The following IFI35 variants were observed in gnomAD, a reference collection of about 807,000 sequenced individuals.
The protein encoded by IFI35 is interferon induced protein 35.
In IFI35, 30 loss-of-function variants were observed where a neutral mutation model predicts 28.6. The observed-to-expected ratio is 1.05, with a 90% CI of 0.79 to 1.43. IFI35 has a LOEUF of 1.43. Among genes scored for constraint, IFI35 ranks in the 40% most tolerant of loss-of-function variants. The pLI is 0.00. For synonymous variants in IFI35, 146 were observed against 154.8 expected, an observed-to-expected ratio of 0.94 and a Z score of 0.42; for missense variants, 372 against 356.9, an observed-to-expected ratio of 1.04 and a Z score of -0.34.
At position 43,014,170 on chromosome 17, in the gene IFI35, C is replaced by T; in HGVS notation, c.732C>T (p.Gly244=). The change falls in exon 7 of 7, where the codon GGC becomes GGT. Residue 244 remains glycine (G), a synonymous_variant. Transcript: ENST00000415816. ...TCAACATTCCTGATATCTTGGATGG[C>T]CCGGAGCTGCATGACGTCCTGGAGA... ...LVLNIPDILD[G]PELHDVLEIH... 1 of 1,614,070 alleles carries T rather than the reference C, an allele frequency of 6.2e-7. No individual in the cohort carries two copies. The highest frequency in any genetic ancestry group is 2.2e-5 in the East Asian group (1 of 44,870).
At chr17:43,008,396 T>G (rs1488291354) in intron 1 of IFI35, among the ~76,000 whole-genome samples, 1 of 142,194 alleles carries the variant, frequency 7.0e-6, no homozygotes, top group Non-Finnish European at 1.5e-5. Flanking sequence ...TTGCCCAGGC[T>G]GAAGTGCAAT....
chr17:43,013,877 G>A lies in IFI35; in HGVS notation c.664G>A (p.Ala222Thr), dbSNP rs761497733. Residue 222 changes from alanine to threonine, a missense_variant, in exon 6 of 7, where the codon GCT becomes ACT. Ala to Thr is a moderately conservative substitution (Grantham distance 58). Transcript: ENST00000415816. Reference protein sequence around the residue: ...SPYVNGEIQKAEIRSQPVPRS... With the variant: ...SPYVNGEIQKTEIRSQPVPRS... ...GTATGTGAACGGGGAGATCCAGAAG[G>A]CTGAGGTAAGCAGGAGGGGTGAAGA... 2.3e-5 allele frequency: 36 copies of A among 1,587,488 alleles called. No homozygotes were observed. The highest frequency in any genetic ancestry group is 2.0e-4 in the Admixed American group (11 of 55,190).
chr17:43,014,063 G>A (rs1413881571), intron 6 of IFI35, 45 bp from the exon 7 acceptor site: 1 of 1,588,186 alleles, frequency 6.3e-7, no homozygotes, highest in Non-Finnish European at 8.6e-7. Context: ...CCAGCCCCCA[G>A]CCCTTCTCCC....
chr17:43,012,349 A>G, intron 2 of IFI35, 72 bp downstream of exon 2: 1 of 1,120,836 alleles, frequency 8.9e-7, no homozygotes, highest in Non-Finnish European at 1.3e-6. Context: ...TCACACCTGT[A>G]AACCCAGCAC....
At chr17:43,012,320 C>T (rs764886438) in intron 2 of IFI35, 43 bp downstream of exon 2, 68 of 1,465,952 alleles carry the variant, frequency 4.6e-5, no homozygotes, top group Non-Finnish European at 6.0e-5. Context: ...AACGAGCTGG[C>T]GAGGCCGGGT....
chr17:43,008,404 A>C (rs1567741993), intron 1 of IFI35, among the ~76,000 whole-genome samples: 1 of 138,360 alleles, frequency 7.2e-6, no homozygotes. Flanking sequence ...GCTGAAGTGC[A>C]ATAGCATGAT....
At chr17:43,012,015 A>AG (rs1331390447) in intron 1 of IFI35, 164 bp from the exon 2 acceptor site, 1 of 451,260 alleles carries the variant, frequency 2.2e-6, no homozygotes, top group East Asian at 3.6e-5. Flanking sequence ...CCCTGGGTGG[A>AG]GGGGGCCAAG....
In IFI35 at chr17:43,014,329, C is replaced by CCCG; in HGVS notation, c.*33_*35dup. 1 of 1,484,592 alleles carries CCCG rather than the reference C, an allele frequency of 6.7e-7. No homozygotes were observed. Among genetic ancestry groups the CCCG allele is most frequent in the African/African-American group, 1.4e-5 (1 of 71,114 alleles). The allele number at this position is 1,484,592 out of a possible 1,614,324, so 92.0% of individuals were successfully genotyped here. On this transcript the variant is annotated 3_prime_UTR_variant, in exon 7 of 7. Transcript: ENST00000415816. ...CTCCCCTTCTCATCCTCCCCACCCC[C>CCCG]CCGCCAAGGTTCTCACACTGGCCTG...
At chr17:43,011,786 T>A (rs1024387445) in intron 1 of IFI35, among the ~76,000 whole-genome samples, 1 of 152,214 alleles carries the variant, frequency 6.6e-6, no homozygotes, top group Non-Finnish European at 1.5e-5. Context: ...AAATTCCGGC[T>A]GCCCTTCACA....
At chr17:43,012,947 G>C in intron 2 of IFI35, 100 bp from the exon 3 acceptor site, 1 of 1,270,550 alleles carries the variant, frequency 7.9e-7, no homozygotes, top group Non-Finnish European at 1.1e-6. Flanking sequence ...TTCAGTAAAT[G>C]TATTTATCTC....
intron 2 of IFI35, chr17:43,012,590 T>A (rs2050470913): frequency 4.3e-6 from 1 of 233,346 alleles, no homozygotes; most frequent in South Asian, 6.0e-5. Context: ...ATACAAAAAT[T>A]AGCTGGGTTT....
At chr17:43,007,703 G>A (rs1344645546) in intron 1 of IFI35, among the ~76,000 whole-genome samples, 1 of 149,642 alleles carries the variant, frequency 6.7e-6, no homozygotes, top group Non-Finnish European at 1.5e-5. Flanking sequence ...GCACACACCT[G>A]TAATCCCAGC....
At position 43,013,083 on chromosome 17, in the gene IFI35, C is replaced by T. The variant is rs768412142; in HGVS notation, c.157C>T (p.Arg53Ter). 2.2e-5 allele frequency: 35 copies of T among 1,614,034 alleles called. No homozygotes were observed. Among genetic ancestry groups the T allele is most frequent in the Non-Finnish European group, 2.5e-5 (30 of 1,180,022 alleles). Residue 53 changes from arginine to a stop codon, truncating the protein, a stop_gained, in exon 3 of 7, where the codon CGA becomes TGA. Transcript: ENST00000415816. LOFTEE classifies it high-confidence loss of function. ...AGTGCCCAAGATCCCCCTGGTATTCCGAGGACACACCCAGCAGGACCCGGA... is the reference window on the plus strand; with the variant it reads ...AGTGCCCAAGATCCCCCTGGTATTCTGAGGACACACCCAGCAGGACCCGGA... ...FSVPKIPLVF[R>*]GHTQQDPEVP...
intron 1 of IFI35, among the ~76,000 whole-genome samples, chr17:43,008,272 G>A (rs2050427118): frequency 6.7e-6 from 1 of 149,934 alleles, no homozygotes. Context: ...CTGACCTCGT[G>A]ATCTGCCCCC....
At chr17:43,011,277 A>G (rs766870494) in intron 1 of IFI35, among the ~76,000 whole-genome samples, 6 of 152,140 alleles carry the variant, frequency 3.9e-5, no homozygotes, top group Non-Finnish European at 8.8e-5. Flanking sequence ...CTAGCACTTT[A>G]GGAGGCCGAG....
rs539447040 is a variant in IFI35 at position 43,007,980 on chromosome 17, C to G, written c.21+1012C>G. ...ACAGAGCATTCAATATGTGTTTCTT[C>G]TTAATATTATTATTGCCAACCTTTT... On this transcript the variant is annotated intron_variant, in intron 1 of 6. Coordinates refer to ENST00000415816, the MANE Select transcript of IFI35 (RefSeq NM_001330230.2). Among the ~76,000 whole-genome samples the G allele has an allele frequency of 2.7e-5, 4 of 149,986 alleles. No homozygotes were observed. In the East Asian group the frequency reaches 7.8e-4, roughly 29 times the overall value.
At chr17:43,009,502 C>T (rs1344949977) in intron 1 of IFI35, among the ~76,000 whole-genome samples, 5 of 152,100 alleles carry the variant, frequency 3.3e-5, no homozygotes, top group African/African-American at 9.7e-5. Flanking sequence ...CTCCTGTAAT[C>T]CCAGCACTTT....
In IFI35 at chr17:43,013,260, C is replaced by G. The variant is rs1345591518; in HGVS notation, c.269-7C>G. 1.9e-6 allele frequency: 3 copies of G among 1,614,098 alleles called. No individual in the cohort carries two copies. In the South Asian group the frequency reaches 3.3e-5, roughly 18 times the overall value. On this transcript the variant is annotated splice_polypyrimidine_tract_variant and splice_region_variant and intron_variant, in intron 3 of 6. Coordinates refer to ENST00000415816, the MANE Select transcript of IFI35 (RefSeq NM_001330230.2). ...TCCCAGTACTGACCCTGTTTCCCAC[C>G]ACCCAGTGGCTGAGCAGGTGCTGCA...
chr17:43,009,348 G>A (rs187769752), intron 1 of IFI35, among the ~76,000 whole-genome samples: 4 of 152,264 alleles, frequency 2.6e-5, no homozygotes, highest in Admixed American at 6.5e-5. Context: ...GCCTGGGTCC[G>A]TGGCTCCTGC....
Sources: gnomAD v4.1 joint callset for allele counts (sites outside exome capture counted in the v4.1 genomes callset) on GRCh38, gnomAD v4.1.1 for gene constraint, MANE v1.5 for transcripts, NCBI Gene and HGNC (gene_info 2026-07-23, HGNC 2026-07-21) for gene names.